Variants in PRKG1 observed in about 807,000 individuals in gnomAD.
PRKG1 encodes the protein protein kinase cGMP-dependent 1, also known as cGMP-dependent protein kinase 1.
Under a neutral mutation model 88.1 loss-of-function variants are expected in PRKG1, and 35 were observed. The ratio of observed to expected loss-of-function variants is 0.40; its 90% CI spans 0.30 to 0.53. The LOEUF (loss-of-function observed/expected upper bound fraction) is 0.53. Ranked by LOEUF, PRKG1 falls within the 20% of genes least tolerant of loss-of-function variation. PRKG1 has a pLI of 0.59. For synonymous variants in PRKG1, 303 were observed against 292.5 expected (o/e 1.04, Z -0.37); for missense variants, 540 against 839.8 (o/e 0.64, Z 4.41).
At chr10:51,646,046 C>T (rs143994917) in intron 3 of PRKG1, among the ~76,000 whole-genome samples, 226 of 152,204 alleles carry the variant, frequency 1.5e-3, no homozygotes, top group African/African-American at 5.3e-3. Flanking sequence ...AGGGGAATGA[C>T]TGTGTGTCAC....
At chr10:51,303,387 C>T (rs935459654) in intron 2 of PRKG1, among the ~76,000 whole-genome samples, 2 of 149,696 alleles carry the variant, frequency 1.3e-5, no homozygotes, top group Non-Finnish European at 3.0e-5. Flanking sequence ...AATCATCAAA[C>T]AGGCCTATTC....
chr10:51,584,258 A>G (rs1161737312), intron 3 of PRKG1, among the ~76,000 whole-genome samples: 1 of 152,086 alleles, frequency 6.6e-6, no homozygotes, highest in Admixed American at 6.6e-5. Context: ...ATGTCAGTCA[A>G]TTAACTAAAG....
intron 3 of PRKG1, among the ~76,000 whole-genome samples, chr10:51,572,755 C>T (rs576793097): frequency 2.0e-5 from 3 of 151,492 alleles, no homozygotes; most frequent in South Asian, 2.1e-4. Flanking sequence ...CTGATATGCA[C>T]GATAGCTTGA....
At chr10:52,043,357 G>A (rs1207616345) in intron 5 of PRKG1, among the ~76,000 whole-genome samples, 1 of 151,984 alleles carries the variant, frequency 6.6e-6, no homozygotes, top group Admixed American at 6.6e-5. Flanking sequence ...TAAAAATGTG[G>A]AATATATACA....
At chr10:51,029,566 T>C (rs1461340091) in intron 1 of PRKG1, among the ~76,000 whole-genome samples, 2 of 152,158 alleles carry the variant, frequency 1.3e-5, no homozygotes, top group African/African-American at 4.8e-5. Flanking sequence ...AATGTGCTCA[T>C]TGGATTGATT....
At chr10:51,285,669 G>T (rs1415894355) in intron 2 of PRKG1, among the ~76,000 whole-genome samples, 1 of 152,194 alleles carries the variant, frequency 6.6e-6, no homozygotes, top group African/African-American at 2.4e-5. Flanking sequence ...GGACAAAATT[G>T]TAGGAGACTA....
chr10:51,990,588 C>T (rs1451121685), intron 5 of PRKG1, among the ~76,000 whole-genome samples: 1 of 151,622 alleles, frequency 6.6e-6, no homozygotes, highest in Non-Finnish European at 1.5e-5. Flanking sequence ...ATTTTAAGTT[C>T]AGGATTACAT....
At chr10:51,526,627 A>T (rs1455193725) in intron 3 of PRKG1, among the ~76,000 whole-genome samples, 1 of 152,202 alleles carries the variant, frequency 6.6e-6, no homozygotes, top group African/African-American at 2.4e-5. Flanking sequence ...GTATGACTCT[A>T]GATTAGGTGG....
chr10:52,082,620 T>C (rs770135281), intron 7 of PRKG1, among the ~76,000 whole-genome samples: 2 of 152,138 alleles, frequency 1.3e-5, no homozygotes, highest in Non-Finnish European at 2.9e-5. Context: ...TGTTTGAAGT[T>C]CTCTCTGCTG....
chr10:51,324,571 CA>C (rs34429733), intron 2 of PRKG1, among the ~76,000 whole-genome samples: 20,317 of 84,522 alleles, frequency 0.24, 1,626 homozygotes, highest in African/African-American at 0.32. Context: ...ACTAAAAATA[CA>C]AAAAAAAAAA....
intron 2 of PRKG1, among the ~76,000 whole-genome samples, chr10:51,450,447 G>A (rs1009642811): frequency 4.6e-5 from 7 of 151,890 alleles, no homozygotes; most frequent in African/African-American, 7.2e-5. Context: ...GAGGCAAACC[G>A]TACGGCCAGG....
chr10:51,824,418 CTTTA>C (rs977754999), intron 4 of PRKG1, among the ~76,000 whole-genome samples: 3 of 151,860 alleles, frequency 2.0e-5, no homozygotes, highest in Admixed American at 2.0e-4. Flanking sequence ...TTTCATCTGG[CTTTA>C]TTTAAGTTTT....
rs76980801 is a variant in PRKG1, at chr10:51,470,056, T to C, written c.592+2220T>C. 2.5e-3 allele frequency among the ~76,000 whole-genome samples: 387 copies of C among 151,940 alleles called. 1 individual carries two copies. The highest frequency in any genetic ancestry group is 8.7e-3 in the African/African-American group (360 of 41,516). On this transcript the variant is annotated intron_variant, in intron 3 of 17. Coordinates refer to ENST00000373980, the MANE Select transcript of PRKG1 (RefSeq NM_006258.4). ...GTAGGCCTCAAGCACCATTTTTTTCTATATATTTAAATTAAACCTTCAGGC... is the reference window on the plus strand; with the variant it reads ...GTAGGCCTCAAGCACCATTTTTTTCCATATATTTAAATTAAACCTTCAGGC...
intron 1 of PRKG1, among the ~76,000 whole-genome samples, chr10:51,127,927 G>A (rs1845471805): frequency 6.6e-6 from 1 of 152,098 alleles, no homozygotes; most frequent in Non-Finnish European, 1.5e-5. Context: ...ATGGACTCAG[G>A]GAGGGAAATA....
At chr10:51,117,914 A>C (rs927928232) in intron 1 of PRKG1, among the ~76,000 whole-genome samples, 1 of 152,214 alleles carries the variant, frequency 6.6e-6, no homozygotes, top group African/African-American at 2.4e-5. Context: ...GAGATATTCC[A>C]TGGCTTCTTA....
At chr10:51,825,407 C>T (rs1839858994) in intron 4 of PRKG1, among the ~76,000 whole-genome samples, 1 of 152,078 alleles carries the variant, frequency 6.6e-6, no homozygotes, top group Non-Finnish European at 1.5e-5. Context: ...AAAAATCAGT[C>T]CTCTCAGGAA....
intron 8 of PRKG1, among the ~76,000 whole-genome samples, chr10:52,135,574 G>A (rs1374721012): frequency 6.6e-6 from 1 of 152,070 alleles, no homozygotes; most frequent in Non-Finnish European, 1.5e-5. Flanking sequence ...AAGAAATGAA[G>A]AGGTAAAACC....
chr10:51,421,627 A>G (rs1588942257), intron 2 of PRKG1, among the ~76,000 whole-genome samples: 1 of 152,218 alleles, frequency 6.6e-6, no homozygotes, highest in Non-Finnish European at 1.5e-5. Context: ...TTTGTTATCT[A>G]TCCTCCATGT....
intron 8 of PRKG1, among the ~76,000 whole-genome samples, chr10:52,142,668 T>A (rs1011550040): frequency 6.6e-6 from 1 of 152,122 alleles, no homozygotes; most frequent in South Asian, 2.1e-4. Context: ...GGCTAAATAT[T>A]TGGAATTAGA....
Sources: allele counts gnomAD v4.1 joint callset (sites outside exome capture counted in the v4.1 genomes callset), GRCh38; gene constraint gnomAD v4.1.1; transcripts MANE v1.5; gene names NCBI Gene and HGNC (gene_info 2026-07-23, HGNC 2026-07-21).